Variants in NRL observed in about 807,000 individuals in gnomAD.
The protein encoded by NRL is neural retina-specific leucine zipper protein.
In NRL, 16 loss-of-function variants were observed where a neutral mutation model predicts 12.5. That is an observed-to-expected ratio of 1.28 (90% confidence interval 0.87 to 1.95). The LOEUF is 1.95. NRL is among the 30% of genes most tolerant of loss of function. The pLI is 0.00. For missense variants in NRL, 314 were observed against 325.8 expected (o/e 0.96, Z 0.28); for synonymous variants, 142 against 150.9 (o/e 0.94, Z 0.43).
rs34592767 is a variant in NRL at position 24,096,228 on chromosome 14, C to CTTTTTTT, written c.-27-13360_-27-13354dup. On this transcript the variant is annotated intron_variant, in intron 1 of 2. Coordinates refer to ENST00000561028, the MANE Select transcript of NRL (RefSeq NM_001354768.3). ...TTGGGCCAAAGGCCCCTACTCATTTCTTTTTTTTTTTTTTTTTTTTTTTTT... is the reference window on the plus strand; with the variant it reads ...TTGGGCCAAAGGCCCCTACTCATTTCTTTTTTTTTTTTTTTTTTTTTTTTTTTTTTTT... 1.7e-4 allele frequency among the ~76,000 whole-genome samples: 10 copies of CTTTTTTT among 58,848 alleles called. 1 individual carries two copies. Among genetic ancestry groups the CTTTTTTT allele is most frequent in the Non-Finnish European group, 2.3e-4 (8 of 34,858 alleles). 38.6% of individuals were successfully genotyped at this position (58,848 alleles called of 152,430 possible).
intron 1 of NRL, chr14:24,100,459 G>A (rs1566579197): frequency 7.6e-6 from 7 of 916,994 alleles, no homozygotes; most frequent in Non-Finnish European, 1.1e-5. Context: ...GTTGAATGAG[G>A]GTAGTTGTGA....
chr14:24,096,846 A>G (rs768025034), intron 1 of NRL: 4 of 1,570,424 alleles, frequency 2.5e-6, no homozygotes, highest in African/African-American at 2.7e-5. Context: ...TGCCTTGTCC[A>G]CTCTCGATGA....
intron 1 of NRL, chr14:24,103,789 A>G (rs780916962): frequency 1.9e-6 from 3 of 1,614,110 alleles, no homozygotes; most frequent in Non-Finnish European, 2.5e-6. Flanking sequence ...GGAGCCTTGG[A>G]TCTCAGCGGC....
intron 1 of NRL, chr14:24,099,314 C>T (rs1313396879): frequency 4.4e-6 from 6 of 1,376,384 alleles, no homozygotes; most frequent in Non-Finnish European, 3.0e-6. Context: ...CTCAGCCTCA[C>T]CTCCCTCCTG....
At position 24,094,733 on chromosome 14, in the gene NRL, C is replaced by T; in HGVS notation, c.-27-11858G>A. The T allele has an allele frequency of 2.7e-6, 4 of 1,486,248 alleles. No homozygotes were observed. Among genetic ancestry groups the T allele is most frequent in the Non-Finnish European group, 3.6e-6 (4 of 1,115,404 alleles). The allele number at this position is 1,486,248 out of a possible 1,614,324, so 92.1% of individuals were successfully genotyped here. The stretch of plus-strand genomic sequence containing the variant: ...TCTCTCCTCGCTCCTCTCTGCTGAG[C>T]CAGGTCTCCGCATATCCTCCTTTCC... On this transcript the variant is annotated intron_variant, in intron 1 of 2. Coordinates refer to ENST00000561028, the MANE Select transcript of NRL (RefSeq NM_001354768.3). The surrounding 1 kb of genome is among the most constrained non-coding windows in gnomAD (Gnocchi z 4.1).
Position 24,079,531 on chromosome 14 carries a change from T to C in NRL, c.*1705A>G, listed in dbSNP as rs113869441. ...GAGACGAGAGAAATTCTGAGAGCGA[T>C]GGAGGAGAGGACTCCCATTGCAGGC... On this transcript the variant is annotated 3_prime_UTR_variant, in exon 3 of 3. Transcript: ENST00000561028. Among the ~76,000 whole-genome samples the C allele has an allele frequency of 4.0e-5, 6 of 151,498 alleles. No individual in the cohort carries two copies. The highest frequency in any genetic ancestry group is 2.1e-4 in the South Asian group (1 of 4,810).
chr14:24,098,108 G>A (rs910839806), intron 1 of NRL: 19 of 1,001,698 alleles, frequency 1.9e-5, no homozygotes, highest in Non-Finnish European at 2.6e-5. Context: ...AAGGCCAACA[G>A]AAGACCTGGA....
intron 1 of NRL, chr14:24,103,288 G>C (rs1022059200): frequency 6.5e-7 from 1 of 1,533,602 alleles, no homozygotes; most frequent in Non-Finnish European, 9.0e-7. Flanking sequence ...CCTCTCCTGT[G>C]TGTGCACACA....
intron 1 of NRL, among the ~76,000 whole-genome samples, chr14:24,091,981 C>G (rs950874416): frequency 3.9e-5 from 6 of 152,182 alleles, no homozygotes; most frequent in Middle Eastern, 3.4e-3. Context: ...TGGGGTCCTG[C>G]CTCCCTTTTT....
At chr14:24,111,505 C>T (rs2037419065) in intron 1 of NRL, among the ~76,000 whole-genome samples, 1 of 151,166 alleles carries the variant, frequency 6.6e-6, no homozygotes, top group African/African-American at 2.4e-5. Context: ...TCTCGAGTGG[C>T]TGGGATTACA....
intron 1 of NRL, among the ~76,000 whole-genome samples, chr14:24,111,135 G>C: frequency 6.6e-6 from 1 of 151,986 alleles, no homozygotes; most frequent in East Asian, 1.9e-4. Flanking sequence ...CACGCGCCAC[G>C]ATGGCCGGCT....
At chr14:24,095,122 C>G in intron 1 of NRL, 1 of 456,152 alleles carries the variant, frequency 2.2e-6, no homozygotes, top group Non-Finnish European at 4.4e-6. Flanking sequence ...CCTATTTATT[C>G]TCTGAGGCCT....
chr14:24,080,747 T>C lies in NRL; in HGVS notation c.*489A>G, dbSNP rs2036255465. 1 of 152,868 alleles carries C rather than the reference T, an allele frequency of 6.5e-6. No individual in the cohort carries two copies. The allele number at this position is 152,868 out of a possible 1,614,324, so 9.5% of individuals were successfully genotyped here. Reference sequence around the variant, plus strand: ...GAAAAAGCATCTCGGATAGAGGTCCTAATCTATCTAGTTGTTGGATATTGA... The same window carrying C: ...GAAAAAGCATCTCGGATAGAGGTCCCAATCTATCTAGTTGTTGGATATTGA... On this transcript the variant is annotated 3_prime_UTR_variant, in exon 3 of 3. Transcript: ENST00000561028.
chr14:24,103,338 G>T (rs2037243106), intron 1 of NRL: 4 of 1,248,988 alleles, frequency 3.2e-6, no homozygotes, highest in Non-Finnish European at 4.6e-6. Context: ...CCTTCCTTTT[G>T]TCCACCCCTG....
chr14:24,081,241 G>A lies in NRL; in HGVS notation c.709C>T (p.Leu237Phe), dbSNP rs1434317754. The A allele has an allele frequency of 6.7e-7, 1 of 1,493,670 alleles. No individual in the cohort carries two copies. Among genetic ancestry groups the A allele is most frequent in the African/African-American group, 1.4e-5 (1 of 69,628 alleles). The allele number at this position is 1,493,670 out of a possible 1,614,324, so 92.5% of individuals were successfully genotyped here. ...CACAAGGTGCTCTGAACGGCTCAGAGGAAGAGGTGGGAGGGGTCCCCGGAC... is the reference window on the plus strand; with the variant it reads ...CACAAGGTGCTCTGAACGGCTCAGAAGAAGAGGTGGGAGGGGTCCCCGGAC... The part of the protein sequence containing the change: ...PGSGDPSHLF[L>F] The change falls in exon 3 of 3, where the codon CTC becomes TTC. Residue 237 changes from leucine to phenylalanine, a missense_variant. Physicochemically the swap from Leu to Phe is conservative, Grantham distance 22. Coordinates refer to ENST00000561028, the MANE Select transcript of NRL (RefSeq NM_001354768.3). The surrounding 1 kb of genome is among the most constrained non-coding windows in gnomAD (Gnocchi z 4.4).
intron 1 of NRL, among the ~76,000 whole-genome samples, chr14:24,101,279 C>A (rs1319667920): frequency 6.6e-6 from 1 of 152,212 alleles, no homozygotes; most frequent in Non-Finnish European, 1.5e-5. Flanking sequence ...TGTTAGGATT[C>A]TGCACTGGGT....
rs762596052 is a variant in NRL, at chr14:24,103,840, A to G, written c.-28+10882T>C. The stretch of plus-strand genomic sequence containing the variant: ...ACCACTCAGCTGTTCTCCCTCCCCA[A>G]GGACTTCTGGGAACAGGAGGTTCGT... On this transcript the variant is annotated intron_variant, in intron 1 of 2. Transcript: ENST00000561028. 21 of 1,613,986 alleles carry G rather than the reference A, an allele frequency of 1.3e-5. No homozygotes were observed. The highest frequency in any genetic ancestry group is 8.0e-5 in the African/African-American group (6 of 74,888).
chr14:24,106,059 G>A (rs2037334393), intron 1 of NRL, among the ~76,000 whole-genome samples: 1 of 152,238 alleles, frequency 6.6e-6, no homozygotes, highest in Admixed American at 6.5e-5. Flanking sequence ...CCTGGGTAAT[G>A]CTGATGCTGC....
intron 1 of NRL, among the ~76,000 whole-genome samples, chr14:24,096,075 G>A (rs2036863680): frequency 2.0e-5 from 3 of 151,992 alleles, no homozygotes; most frequent in Admixed American, 2.0e-4. Context: ...ACACCAGAAG[G>A]AAAGAATAAA....
Sources: allele counts gnomAD v4.1 joint callset (sites outside exome capture counted in the v4.1 genomes callset), GRCh38; gene constraint gnomAD v4.1.1; non-coding constraint Gnocchi (gnomAD v3.1); transcripts MANE v1.5; gene names NCBI Gene and HGNC (gene_info 2026-07-23, HGNC 2026-07-21).